The following IRS1 variants were observed in gnomAD, a reference collection of about 807,000 sequenced individuals.
IRS1 encodes the protein insulin receptor substrate 1.
Under a neutral mutation model 65.6 loss-of-function variants are expected in IRS1, and 34 were observed. The ratio of observed to expected loss-of-function variants is 0.52; its 90% confidence interval spans 0.39 to 0.69. The LOEUF is 0.69. Ranked by LOEUF, IRS1 falls within the 30% of genes least tolerant of loss-of-function variation. The probability of loss-of-function intolerance (pLI) is 0.00; values close to 1 mark genes in which losing one functional copy is unlikely to be tolerated. For synonymous variants in IRS1, 699 were observed against 683.5 expected, an observed-to-expected ratio of 1.02 and a Z score of -0.35; for missense variants, 1,641 against 1,720.2, an observed-to-expected ratio of 0.95 and a Z score of 0.81.
chr2:226,743,063 C>T (rs1244149561), intron 1 of IRS1, among the ~76,000 whole-genome samples: 1 of 151,996 alleles, frequency 6.6e-6, no homozygotes, highest in Admixed American at 6.5e-5. Flanking sequence ...ATAACAGCTC[C>T]TCCCCTCAAT....
chr2:226,739,074 G>A (rs1010797098), intron 1 of IRS1, among the ~76,000 whole-genome samples: 8 of 152,084 alleles, frequency 5.3e-5, no homozygotes, highest in African/African-American at 1.7e-4. Context: ...CTGTTGCTTT[G>A]GGCCACTTGG....
At chr2:226,793,067 A>G (rs902501100) in intron 1 of IRS1, among the ~76,000 whole-genome samples, 23 of 152,194 alleles carry the variant, frequency 1.5e-4, no homozygotes, top group African/African-American at 5.3e-4. Context: ...AAGGTTAAGG[A>G]TAGAATTTTG....
Position 226,798,376 on chromosome 2 carries a change from G to C in IRS1, c.363C>G (p.His121Gln), listed in dbSNP as rs772845560. The C allele has an allele frequency of 6.2e-7, 1 of 1,613,748 alleles. No individual in the cohort carries two copies. The highest frequency in any genetic ancestry group is 8.5e-7 in the Non-Finnish European group (1 of 1,179,982). ...CCGCCCCGAGGGCCGCAGCTCCGTC[G>C]TGGTGGCCCTTAGCACGGTTGTGCA... is the stretch of plus-strand genomic sequence containing the variant. ...LQLHNRAKGH[H>Q]DGAAALGAGG... is the part of the protein sequence containing the mutation. The change falls in exon 1 of 2, where the codon CAC (histidine) becomes CAG (glutamine). Residue 121 changes from histidine to glutamine, a missense_variant. His to Gln is a conservative substitution (Grantham distance 24). Around this residue, in one of 3 missense-constraint regions of IRS1, gnomAD observed 240 missense variants for 229.6 expected, o/e 1.05. Transcript: ENST00000305123. This position sits in a 1 kb window ranked among gnomAD's most constrained non-coding sequence, Gnocchi z 9.4.
intron 1 of IRS1, among the ~76,000 whole-genome samples, chr2:226,772,619 T>TGGAA (rs1939185778): frequency 6.6e-6 from 1 of 151,086 alleles, no homozygotes; most frequent in Admixed American, 6.6e-5. Flanking sequence ...TGACAGGACC[T>TGGAA]TATCAAGACA....
rs969938982 is a variant in IRS1 at position 226,799,446 on chromosome 2, T to A, written c.-708A>T. ...CCCCATCCGGGCCCATCTCGGCGGG[T>A]GGAGAAAGTGGCTTTTCCATGCGAA... On this transcript the variant is annotated 5_prime_UTR_variant, in exon 1 of 2. Coordinates refer to ENST00000305123, the MANE Select transcript of IRS1 (RefSeq NM_005544.3). This position sits in a 1 kb window ranked among gnomAD's most constrained non-coding sequence, Gnocchi z 6.1. 1 of 1,191,850 alleles carries A rather than the reference T, an allele frequency of 8.4e-7. No individual in the cohort carries two copies. 73.8% of individuals were successfully genotyped at this position (1,191,850 alleles called of 1,614,324 possible).
chr2:226,795,274 C>G lies in IRS1; in HGVS notation c.3465G>C (p.Glu1155Asp). Residue 1155 changes from glutamate to aspartate, a missense_variant, in exon 1 of 2, where the codon GAG (glutamate) becomes GAC (aspartate). Coordinates refer to ENST00000305123, the MANE Select transcript of IRS1 (RefSeq NM_005544.3). ...CTGGCTCCTTGGGGGCTCCCCCAAG[C>G]TCCCCAGGCCTCAGCCACACATTCT... Reference protein sequence around the residue: ...SFENVWLRPGELGGAPKEPAK... With the variant: ...SFENVWLRPGDLGGAPKEPAK... 1 of 1,613,924 alleles carries G rather than the reference C, an allele frequency of 6.2e-7. No individual in the cohort carries two copies.
At chr2:226,750,226 G>A (rs1046847551) in intron 1 of IRS1, among the ~76,000 whole-genome samples, 4 of 142,388 alleles carry the variant, frequency 2.8e-5, no homozygotes, top group African/African-American at 8.0e-5. Flanking sequence ...TCCAGCCTGG[G>A]CAACAAGAGC....
rs1255833289 is a variant in IRS1 at position 226,732,696 on chromosome 2, TACAC to T, written c.*3572_*3575del. On this transcript the variant is annotated 3_prime_UTR_variant, in exon 2 of 2. Coordinates refer to ENST00000305123, the MANE Select transcript of IRS1 (RefSeq NM_005544.3). ...ATATATATACACACACACATATATA[TACAC>T]ACACACAAACACACACACACACACA... 8.6e-6 allele frequency: 1 copy of T among 116,782 alleles called. No homozygotes were observed. The highest frequency in any genetic ancestry group is 1.7e-5 in the Non-Finnish European group (1 of 59,840). 7.2% of individuals were successfully genotyped at this position (116,782 alleles called of 1,614,324 possible). A position where few individuals can be genotyped will look rare whatever the true frequency, so the allele number is the denominator to read the frequency against.
chr2:226,778,540 T>A (rs1211242956), intron 1 of IRS1, among the ~76,000 whole-genome samples: 2 of 151,802 alleles, frequency 1.3e-5, no homozygotes, highest in Non-Finnish European at 2.9e-5. Flanking sequence ...CTAACAGAAT[T>A]TAAAAAAAAA....
At chr2:226,751,555 T>C (rs1190732208) in intron 1 of IRS1, among the ~76,000 whole-genome samples, 2 of 152,058 alleles carry the variant, frequency 1.3e-5, no homozygotes, top group East Asian at 3.9e-4. Flanking sequence ...AGTGCTGGCA[T>C]TACAGGCGTG....
rs1234435076 is a variant in IRS1 at position 226,798,551 on chromosome 2, G to C, written c.188C>G (p.Ser63Trp). Residue 63 changes from serine to tryptophan, a missense_variant, in exon 1 of 2, where the codon TCG becomes TGG. Physicochemically the swap from Ser to Trp is radical, Grantham distance 177 (BLOSUM62 -3). Transcript: ENST00000305123. This position sits in a 1 kb window ranked among gnomAD's most constrained non-coding sequence, Gnocchi z 9.4. ...WRHKSSAPKR[S>W]IPLESCFNIN... Reference sequence around the variant, plus strand: ...GTTGAAGCAGCTCTCAAGGGGGATCGAGCGTTTGGGGGCGCTCGACTTGTG... The same window carrying C: ...GTTGAAGCAGCTCTCAAGGGGGATCCAGCGTTTGGGGGCGCTCGACTTGTG... 1.9e-6 allele frequency: 3 copies of C among 1,613,892 alleles called. No homozygotes were observed. In the African/African-American group the frequency reaches 4.0e-5, roughly 22 times the overall value.
At position 226,799,080 on chromosome 2, in the gene IRS1, C is replaced by A; in HGVS notation, c.-342G>T. The A allele has an allele frequency of 1.6e-6, 2 of 1,248,074 alleles. No homozygotes were observed. The highest frequency in any genetic ancestry group is 1.8e-5 in the South Asian group (1 of 55,508). The allele number at this position is 1,248,074 out of a possible 1,614,324, so 77.3% of individuals were successfully genotyped here. ...GAGCGAAGATGCATCTCTCGTCGCCCCGGCTGGAGTCCGGCACAGGGAGGC... is the reference window on the plus strand; with the variant it reads ...GAGCGAAGATGCATCTCTCGTCGCCACGGCTGGAGTCCGGCACAGGGAGGC... On this transcript the variant is annotated 5_prime_UTR_variant, in exon 1 of 2. Coordinates refer to ENST00000305123, the MANE Select transcript of IRS1 (RefSeq NM_005544.3). This position sits in a 1 kb window ranked among gnomAD's most constrained non-coding sequence, Gnocchi z 6.1.
At chr2:226,754,431 C>T (rs918515363) in intron 1 of IRS1, among the ~76,000 whole-genome samples, 3 of 152,184 alleles carry the variant, frequency 2.0e-5, no homozygotes, top group Non-Finnish European at 4.4e-5. Context: ...ACGTGAACAG[C>T]GTTAATATGC....
chr2:226,789,202 T>A (rs1031004693), intron 1 of IRS1, among the ~76,000 whole-genome samples: 1 of 152,198 alleles, frequency 6.6e-6, no homozygotes, highest in African/African-American at 2.4e-5. Context: ...CTAAGACACA[T>A]ATCTGATTAT....
chr2:226,775,138 G>T (rs1032057778), intron 1 of IRS1, among the ~76,000 whole-genome samples: 1 of 152,202 alleles, frequency 6.6e-6, no homozygotes, highest in Non-Finnish European at 1.5e-5. Flanking sequence ...AATGCAGAAT[G>T]TGACAAAATA....
intron 1 of IRS1, among the ~76,000 whole-genome samples, chr2:226,761,926 T>C (rs1476862174): frequency 1.3e-5 from 2 of 152,222 alleles, no homozygotes; most frequent in Non-Finnish European, 2.9e-5. Flanking sequence ...TGTTCCATTA[T>C]TTTTAGCCAA....
chr2:226,761,824 T>G (rs1040682016), intron 1 of IRS1, among the ~76,000 whole-genome samples: 3 of 152,204 alleles, frequency 2.0e-5, no homozygotes, highest in Non-Finnish European at 4.4e-5. Flanking sequence ...GAATGCAGTT[T>G]GGAAATCATG....
chr2:226,768,472 A>T (rs1939098651), intron 1 of IRS1, among the ~76,000 whole-genome samples: 1 of 152,212 alleles, frequency 6.6e-6, no homozygotes, highest in Non-Finnish European at 1.5e-5. Context: ...TATTAAAATA[A>T]TAAGCAAATA....
At chr2:226,776,126 G>C (rs1025808728) in intron 1 of IRS1, among the ~76,000 whole-genome samples, 2 of 151,984 alleles carry the variant, frequency 1.3e-5, no homozygotes, top group Admixed American at 6.6e-5. Flanking sequence ...AAAAGTAAGG[G>C]AATGCTCAAA....
Sources: allele counts gnomAD v4.1 joint callset (sites outside exome capture counted in the v4.1 genomes callset), GRCh38; gene constraint gnomAD v4.1.1; regional missense constraint gnomAD v4.1.1; non-coding constraint Gnocchi (gnomAD v3.1); transcripts MANE v1.5; gene names NCBI Gene and HGNC (gene_info 2026-07-23, HGNC 2026-07-21).